The following STT3B variants were observed in gnomAD, a reference collection of about 807,000 sequenced individuals.
STT3B encodes the protein dolichyl-diphosphooligosaccharide--protein glycosyltransferase subunit STT3B.
A neutral mutation model predicts 96.8 loss-of-function variants in STT3B; 29 were observed. That is an observed-to-expected ratio of 0.30 (90% CI 0.22 to 0.41). STT3B has a LOEUF of 0.41. Ranked by LOEUF, STT3B falls within the 10% of genes least tolerant of loss-of-function variation. The pLI is 1.00. For synonymous variants in STT3B, 367 were observed against 360.0 expected (o/e 1.02, Z -0.22); for missense variants, 640 against 1,022.3 (o/e 0.63, Z 5.10).
chr3:31,550,784 T>G (rs1407312630), intron 1 of STT3B, among the ~76,000 whole-genome samples: 1 of 152,150 alleles, frequency 6.6e-6, no homozygotes, highest in African/African-American at 2.4e-5. Flanking sequence ...TTTTTTTCGT[T>G]CTATTGAAGG....
At chr3:31,533,413 C>T (rs1410640836) in intron 1 of STT3B, 101 bp downstream of exon 1, 1 of 1,275,010 alleles carries the variant, frequency 7.8e-7, no homozygotes, top group Non-Finnish European at 9.9e-7. Flanking sequence ...CGCGCCGCCG[C>T]GGAGCCCCGC....
chr3:31,547,348 C>T (rs1697441329), intron 1 of STT3B, among the ~76,000 whole-genome samples: 1 of 152,054 alleles, frequency 6.6e-6, no homozygotes, highest in Non-Finnish European at 1.5e-5. Flanking sequence ...CAAATGTTTG[C>T]ATTATATACT....
chr3:31,539,313 A>C (rs1697174553), intron 1 of STT3B, among the ~76,000 whole-genome samples: 1 of 152,168 alleles, frequency 6.6e-6, no homozygotes, highest in African/African-American at 2.4e-5. Flanking sequence ...TTGCAAGATA[A>C]CTTTAATATA....
At chr3:31,589,994 A>G (rs893557057) in intron 3 of STT3B, among the ~76,000 whole-genome samples, 1 of 152,006 alleles carries the variant, frequency 6.6e-6, no homozygotes, top group Non-Finnish European at 1.5e-5. Flanking sequence ...GGACCAGGGA[A>G]GATTTTTAAT....
intron 3 of STT3B, among the ~76,000 whole-genome samples, chr3:31,593,186 A>G (rs1698704082): frequency 6.6e-6 from 1 of 152,182 alleles, no homozygotes; most frequent in African/African-American, 2.4e-5. Context: ...GTGCAAAAGT[A>G]ATTGCGGTTA....
intron 1 of STT3B, among the ~76,000 whole-genome samples, chr3:31,570,648 C>T (rs985268461): frequency 6.6e-6 from 1 of 152,036 alleles, no homozygotes; most frequent in Non-Finnish European, 1.5e-5. Context: ...ATGGTCAATC[C>T]AAGTACCTTT....
chr3:31,589,455 T>C (rs1265669279), intron 3 of STT3B, among the ~76,000 whole-genome samples: 3 of 152,114 alleles, frequency 2.0e-5, no homozygotes, highest in African/African-American at 7.2e-5. Context: ...TCTTATTGCA[T>C]TTGCTAGGAC....
At chr3:31,633,336 C>A (rs1008583232) in intron 15 of STT3B, among the ~76,000 whole-genome samples, 189 bp downstream of exon 15, 3 of 152,176 alleles carry the variant, frequency 2.0e-5, no homozygotes, top group African/African-American at 7.2e-5. Context: ...CTTCAGATAT[C>A]CCAAGCTGAG....
At chr3:31,575,522 A>G (rs1435598141) in intron 1 of STT3B, among the ~76,000 whole-genome samples, 1 of 152,058 alleles carries the variant, frequency 6.6e-6, no homozygotes, top group African/African-American at 2.4e-5. Context: ...AAATGCTACA[A>G]AGCTTGCATC....
chr3:31,563,893 C>T lies in STT3B; in HGVS notation c.315-12503C>T, dbSNP rs1697939086. Among the ~76,000 whole-genome samples the T allele has an allele frequency of 3.9e-5, 6 of 152,098 alleles. No individual in the cohort carries two copies. In the South Asian group the frequency reaches 1.0e-3, roughly 26 times the overall value. On this transcript the variant is annotated intron_variant, in intron 1 of 15. Coordinates refer to ENST00000295770, the MANE Select transcript of STT3B (RefSeq NM_178862.3). ...CGATCTTGGCTCACTGCAACCTCCA[C>T]CTCCCGGGTTCAAGCAATTCTTCTG...
At chr3:31,549,365 A>G (rs1697495063) in intron 1 of STT3B, among the ~76,000 whole-genome samples, 1 of 151,462 alleles carries the variant, frequency 6.6e-6, no homozygotes, top group Non-Finnish European at 1.5e-5. Flanking sequence ...ACTAACTTCT[A>G]TGATAGTTAA....
intron 6 of STT3B, among the ~76,000 whole-genome samples, chr3:31,616,131 G>A (rs927701082): frequency 1.3e-5 from 2 of 151,866 alleles, no homozygotes; most frequent in African/African-American, 2.4e-5. Flanking sequence ...TAGGTTTGAT[G>A]AAGAGTGGAC....
At chr3:31,583,304 T>A (rs1486061169) in intron 3 of STT3B, among the ~76,000 whole-genome samples, 1 of 151,852 alleles carries the variant, frequency 6.6e-6, no homozygotes. Context: ...TTTTGTAACC[T>A]TTTTTTTAAA....
intron 1 of STT3B, among the ~76,000 whole-genome samples, chr3:31,538,135 T>C (rs1339996250): frequency 6.6e-6 from 1 of 152,158 alleles, no homozygotes; most frequent in Non-Finnish European, 1.5e-5. Context: ...TCTAACCACC[T>C]AGATTCTACA....
intron 1 of STT3B, among the ~76,000 whole-genome samples, chr3:31,555,271 A>G (rs1490419151): frequency 3.3e-5 from 5 of 152,116 alleles, no homozygotes; most frequent in Non-Finnish European, 7.4e-5. Context: ...TGCTGCCTCT[A>G]TTTCAAATCC....
At chr3:31,573,275 A>G in intron 1 of STT3B, among the ~76,000 whole-genome samples, 1 of 152,182 alleles carries the variant, frequency 6.6e-6, no homozygotes, top group East Asian at 1.9e-4. Flanking sequence ...AAGTCTTTGA[A>G]TAATTCAGAG....
intron 5 of STT3B, among the ~76,000 whole-genome samples, chr3:31,609,843 G>A (rs7349468): frequency 0.57 from 86,948 of 151,930 alleles, 27,813 homozygotes; most frequent in Non-Finnish European, 0.72. Flanking sequence ...GATTACAGGC[G>A]TGAACCACCA....
chr3:31,542,758 A>T (rs182402541), intron 1 of STT3B, among the ~76,000 whole-genome samples: 4 of 152,188 alleles, frequency 2.6e-5, no homozygotes, highest in African/African-American at 9.6e-5. Context: ...CTTTTCTGAG[A>T]TATATTGACT....
intron 4 of STT3B, among the ~76,000 whole-genome samples, chr3:31,598,651 A>T (rs1318731086): frequency 6.6e-6 from 1 of 152,194 alleles, no homozygotes; most frequent in African/African-American, 2.4e-5. Flanking sequence ...CATCAGATTC[A>T]CTGTCAGACT....
Sources: gnomAD v4.1 joint callset for allele counts (sites outside exome capture counted in the v4.1 genomes callset) on GRCh38, gnomAD v4.1.1 for gene constraint, MANE v1.5 for transcripts, NCBI Gene and HGNC (gene_info 2026-07-23, HGNC 2026-07-21) for gene names.